PTK2: variants seen among roughly 807,000 people sequenced by gnomAD.
The protein encoded by PTK2 is focal adhesion kinase 1.
A neutral mutation model predicts 150.1 loss-of-function variants in PTK2; 45 were observed. The ratio of observed to expected loss-of-function variants is 0.30; its 90% CI spans 0.24 to 0.38. The LOEUF (loss-of-function observed/expected upper bound fraction) is 0.38, where lower values mean the gene tolerates loss of function less well. PTK2 is among the 10% of genes least tolerant of loss of function. The pLI is 1.00. For missense variants in PTK2, 919 were observed against 1,307.3 expected (o/e 0.70, Z 4.58); for synonymous variants, 432 against 449.2 (o/e 0.96, Z 0.48).
At chr8:140,810,306 T>C (rs1195269490) in intron 10 of PTK2, among the ~76,000 whole-genome samples, 1 of 152,330 alleles carries the variant, frequency 6.6e-6, no homozygotes, top group Admixed American at 6.5e-5. Flanking sequence ...CTTGCTCCCA[T>C]AAGAGACTTT....
intron 2 of PTK2, among the ~76,000 whole-genome samples, chr8:140,907,083 C>A (rs2100161198): frequency 1.3e-5 from 2 of 152,220 alleles, no homozygotes; most frequent in African/African-American, 4.8e-5. Context: ...GATGCTCAAT[C>A]TGATTTACCA....
intron 27 of PTK2, 86 bp downstream of exon 30, chr8:140,686,546 T>C: frequency 9.6e-7 from 1 of 1,046,078 alleles, no homozygotes; most frequent in Middle Eastern, 2.0e-4. Flanking sequence ...CAAATATTAG[T>C]AAACTTGGAT....
At chr8:140,662,147 A>G (rs2152575531) in intron 31 of PTK2, among the ~76,000 whole-genome samples, 1 of 152,220 alleles carries the variant, frequency 6.6e-6, no homozygotes, top group East Asian at 1.9e-4. Flanking sequence ...AAAATAAAGA[A>G]TTAGCTGGGC....
intron 10 of PTK2, among the ~76,000 whole-genome samples, chr8:140,803,915 C>T (rs544417384): frequency 6.6e-6 from 1 of 152,168 alleles, no homozygotes; most frequent in Non-Finnish European, 1.5e-5. Flanking sequence ...ACAGTTACCA[C>T]TGAGAGAGAA....
chr8:140,871,142 T>C (rs2100142260), intron 4 of PTK2, among the ~76,000 whole-genome samples: 1 of 152,232 alleles, frequency 6.6e-6, no homozygotes, highest in African/African-American at 2.4e-5. Flanking sequence ...TCTAAACTAT[T>C]TCCATCAATT....
intron 2 of PTK2, among the ~76,000 whole-genome samples, chr8:140,912,982 C>G (rs543233187): frequency 6.6e-6 from 1 of 151,928 alleles, no homozygotes; most frequent in South Asian, 2.1e-4. Context: ...TCCACAAAAA[C>G]AAAACAGACA....
Position 140,689,594 on chromosome 8 carries a change from A to T in PTK2, c.2500-2900T>A, listed in dbSNP as rs2100021953. ...TGGTTAACTCAGCTATGGTTATTTA[A>T]GAGAACATCCTTATTTTTAGGAAAT... On this transcript the variant is annotated intron_variant, in intron 26 of 31. Transcript: ENST00000522684. Among the ~76,000 whole-genome samples the T allele has an allele frequency of 2.0e-5, 3 of 152,240 alleles. No individual in the cohort carries two copies. The South Asian group carries it at 6.2e-4, about 32-fold the overall frequency.
At chr8:140,981,136 A>C (rs1304998436) in intron 1 of PTK2, among the ~76,000 whole-genome samples, 1 of 151,950 alleles carries the variant, frequency 6.6e-6, no homozygotes, top group Non-Finnish European at 1.5e-5. Context: ...GGAAAAAAAC[A>C]ATATCATTCA....
chr8:140,939,219 A>G (rs190211821), intron 1 of PTK2, among the ~76,000 whole-genome samples: 53 of 152,338 alleles, frequency 3.5e-4, no homozygotes, highest in Middle Eastern at 3.4e-3. Context: ...GACTTATTCT[A>G]AACATTTAAA....
intron 30 of PTK2, among the ~76,000 whole-genome samples, chr8:140,666,816 T>A (rs571254022): frequency 1.3e-5 from 2 of 152,284 alleles, no homozygotes; most frequent in South Asian, 4.1e-4. Flanking sequence ...TATTTGTATA[T>A]CCATGTTCCT....
At chr8:140,838,705 C>T (rs954104883) in intron 7 of PTK2, among the ~76,000 whole-genome samples, 1 of 152,024 alleles carries the variant, frequency 6.6e-6, no homozygotes, top group African/African-American at 2.4e-5. Flanking sequence ...TTATCAAAAA[C>T]TACATATTAA....
Position 140,743,349 on chromosome 8 carries a change from A to G in PTK2, c.1635-19T>C. 2 of 1,583,702 alleles carry G rather than the reference A, an allele frequency of 1.3e-6. No individual in the cohort carries two copies. The highest frequency in any genetic ancestry group is 1.7e-6 in the Non-Finnish European group (2 of 1,154,286). The stretch of plus-strand genomic sequence containing the variant: ...AATGTCCCTGATAAAGAAGAATTTG[A>G]GACAATAAGACTTAAAATAAGAAAA... On this transcript the variant is annotated intron_variant, in intron 19 of 31. Transcript: ENST00000522684.
At chr8:140,978,764 T>C (rs2100190294) in intron 1 of PTK2, among the ~76,000 whole-genome samples, 1 of 151,246 alleles carries the variant, frequency 6.6e-6, no homozygotes. Context: ...TTACTGGGTA[T>C]ATACCCAAAG....
chr8:140,685,968 G>C, intron 27 of PTK2, among the ~76,000 whole-genome samples: 1 of 152,114 alleles, frequency 6.6e-6, no homozygotes, highest in East Asian at 1.9e-4. Flanking sequence ...ACAATAACAA[G>C]GTCATGGAAT....
At chr8:140,665,450 C>A (rs1441062837) in intron 30 of PTK2, among the ~76,000 whole-genome samples, 1 of 152,142 alleles carries the variant, frequency 6.6e-6, no homozygotes, top group Non-Finnish European at 1.5e-5. Flanking sequence ...AGAGATGACA[C>A]CACTGCCCCG....
chr8:140,785,505 G>A (rs1236775232), intron 14 of PTK2, among the ~76,000 whole-genome samples: 1 of 152,156 alleles, frequency 6.6e-6, no homozygotes, highest in Non-Finnish European at 1.5e-5. Flanking sequence ...TCTTCTTAAA[G>A]TACTCAGGAA....
At chr8:140,964,033 T>C (rs1342461769) in intron 1 of PTK2, among the ~76,000 whole-genome samples, 1 of 152,146 alleles carries the variant, frequency 6.6e-6, no homozygotes, top group Non-Finnish European at 1.5e-5. Flanking sequence ...CCTTTACTTA[T>C]GCCAGTCCTT....
chr8:140,740,987 T>A (rs1345012233), intron 20 of PTK2, among the ~76,000 whole-genome samples: 2 of 150,452 alleles, frequency 1.3e-5, no homozygotes, highest in Admixed American at 1.3e-4. Context: ...TACAAAAAAA[T>A]CAAAAAATTA....
At chr8:140,975,899 G>A (rs1238813729) in intron 1 of PTK2, among the ~76,000 whole-genome samples, 8 of 152,150 alleles carry the variant, frequency 5.3e-5, no homozygotes, top group Admixed American at 6.5e-5. Context: ...TTTAAATGGC[G>A]AACAAATGAA....
Sources: gnomAD v4.1 joint callset for allele counts (sites outside exome capture counted in the v4.1 genomes callset) on GRCh38, gnomAD v4.1.1 for gene constraint, MANE v1.5 for transcripts, NCBI Gene and HGNC (gene_info 2026-07-23, HGNC 2026-07-21) for gene names.